The following WDR64 variants were observed in gnomAD, a reference collection of about 807,000 sequenced individuals.
WDR64 encodes the protein WD repeat-containing protein 64.
A neutral mutation model predicts 139.3 loss-of-function variants in WDR64; 112 were observed. That is an observed-to-expected ratio of 0.80 (90% CI 0.69 to 0.94). The LOEUF (loss-of-function observed/expected upper bound fraction) is 0.94. WDR64 is among the 40% of genes least tolerant of loss of function. The pLI is 0.00. For synonymous variants in WDR64, 444 were observed against 437.7 expected, an observed-to-expected ratio of 1.01 and a Z score of -0.18; for missense variants, 1,206 against 1,293.1, an observed-to-expected ratio of 0.93 and a Z score of 1.03.
chr1:241,770,883 A>G (rs1174056939), intron 18 of WDR64, among the ~76,000 whole-genome samples, 193 bp downstream of exon 18: 1 of 152,204 alleles, frequency 6.6e-6, no homozygotes. Context: ...TCAATTTTAT[A>G]TATTTTTCAA....
At chr1:241,741,013 G>T (rs1441439899) in intron 11 of WDR64, among the ~76,000 whole-genome samples, 1 of 152,176 alleles carries the variant, frequency 6.6e-6, no homozygotes, top group East Asian at 1.9e-4. Context: ...GCACTGGCTT[G>T]TGATCATTCT....
intron 16 of WDR64, among the ~76,000 whole-genome samples, 158 bp from the exon 17 acceptor site, chr1:241,769,246 A>G (rs1658324095): frequency 6.6e-6 from 1 of 152,216 alleles, no homozygotes; most frequent in African/African-American, 2.4e-5. Flanking sequence ...CTTGCTAAAA[A>G]AGCTATGTTC....
At chr1:241,771,937 CAT>C (rs369287433) in intron 19 of WDR64, among the ~76,000 whole-genome samples, 5 of 56,528 alleles carry the variant, frequency 8.8e-5, no homozygotes, top group Admixed American at 4.6e-4. Context: ...CATATACATA[CAT>C]ACATACATAT....
chr1:241,654,854 G>A (rs529336176), intron 1 of WDR64, among the ~76,000 whole-genome samples: 2 of 152,192 alleles, frequency 1.3e-5, no homozygotes, highest in African/African-American at 4.8e-5. Context: ...TTACCTCCAG[G>A]CTATATGTAT....
At chr1:241,690,225 G>C (rs564218150) in intron 8 of WDR64, among the ~76,000 whole-genome samples, 3 of 151,974 alleles carry the variant, frequency 2.0e-5, no homozygotes, top group South Asian at 2.1e-4. Context: ...GTAATCCCAG[G>C]ACTTTGGGAG....
At chr1:241,693,433 T>G (rs1667376099) in intron 8 of WDR64, among the ~76,000 whole-genome samples, 1 of 152,200 alleles carries the variant, frequency 6.6e-6, no homozygotes, top group East Asian at 1.9e-4. Flanking sequence ...TAGAGAATTT[T>G]AGGGCACTGA....
At chr1:241,769,360 T>C in intron 16 of WDR64, 44 bp from the exon 17 acceptor site, 1 of 1,471,058 alleles carries the variant, frequency 6.8e-7, no homozygotes, top group Non-Finnish European at 9.3e-7. Context: ...GTAAGCTCCA[T>C]AATTTGTGAA....
At chr1:241,705,474 G>A (rs974072850) in intron 8 of WDR64, among the ~76,000 whole-genome samples, 7 of 151,266 alleles carry the variant, frequency 4.6e-5, no homozygotes, top group African/African-American at 1.5e-4. Context: ...CCCGGGAGGC[G>A]GAGCTTGCAG....
intron 3 of WDR64, among the ~76,000 whole-genome samples, chr1:241,672,502 T>C (rs182752541): frequency 5.2e-4 from 79 of 152,338 alleles, no homozygotes; most frequent in African/African-American, 1.8e-3. Flanking sequence ...TAAAGTCTAC[T>C]ATGTAGGCCA....
intron 8 of WDR64, among the ~76,000 whole-genome samples, chr1:241,689,567 ACAACAGAGCAT>A (rs1157777730): frequency 1.3e-5 from 2 of 152,206 alleles, no homozygotes; most frequent in Non-Finnish European, 2.9e-5. Context: ...GATGCACCTA[ACAACAGAGCAT>A]CAAAATTAAT....
intron 1 of WDR64, among the ~76,000 whole-genome samples, chr1:241,655,198 C>T (rs1335378016): frequency 1.3e-5 from 2 of 152,148 alleles, no homozygotes. Context: ...GCCTTGCCAA[C>T]ATGATGAAAC....
chr1:241,723,056 A>G (rs1023531680), intron 9 of WDR64, among the ~76,000 whole-genome samples: 1 of 152,228 alleles, frequency 6.6e-6, no homozygotes, highest in East Asian at 1.9e-4. Flanking sequence ...CTCATAAAAT[A>G]TTTATGAGAA....
chr1:241,723,472 T>C (rs764829046), intron 10 of WDR64, 36 bp downstream of exon 10: 3 of 1,604,294 alleles, frequency 1.9e-6, no homozygotes, highest in African/African-American at 2.7e-5. Flanking sequence ...AAACTAGTTT[T>C]TTCCGGAAAA....
intron 15 of WDR64, among the ~76,000 whole-genome samples, chr1:241,761,369 A>G (rs191557627): frequency 1.3e-5 from 2 of 152,208 alleles, no homozygotes; most frequent in East Asian, 3.9e-4. Flanking sequence ...TATAGCCCCA[A>G]ACTTACCCTT....
In WDR64 at chr1:241,752,082, G is replaced by C. The variant is rs1047371030; in HGVS notation, c.1770+2360G>C. On this transcript the variant is annotated intron_variant, in intron 14 of 27. Transcript: ENST00000437684. Reference sequence around the variant, plus strand: ...CTTACTTCCCTTCCTTTTAACCACAGTGCTTTATGAATCTACTCATATAGC... The same window carrying C: ...CTTACTTCCCTTCCTTTTAACCACACTGCTTTATGAATCTACTCATATAGC... Among the ~76,000 whole-genome samples the C allele has an allele frequency of 2.6e-5, 4 of 152,042 alleles. No homozygotes were observed. In the East Asian group the frequency reaches 7.7e-4, roughly 29 times the overall value.
At chr1:241,668,051 C>T (rs1042412147) in intron 2 of WDR64, among the ~76,000 whole-genome samples, 1 of 152,080 alleles carries the variant, frequency 6.6e-6, no homozygotes, top group African/African-American at 2.4e-5. Context: ...CTAGAGAAGA[C>T]AAAAGCAAAA....
intron 9 of WDR64, among the ~76,000 whole-genome samples, chr1:241,716,096 C>T (rs1372199791): frequency 6.6e-6 from 1 of 152,108 alleles, no homozygotes; most frequent in Non-Finnish European, 1.5e-5. Flanking sequence ...TTCCCAGTAA[C>T]TGAAAACACA....
chr1:241,788,653 C>A (rs1214692546), intron 24 of WDR64, among the ~76,000 whole-genome samples: 1 of 152,170 alleles, frequency 6.6e-6, no homozygotes, highest in African/African-American at 2.4e-5. Context: ...AATGTCATTA[C>A]CTAATTCAAA....
intron 1 of WDR64, among the ~76,000 whole-genome samples, chr1:241,658,174 C>G (rs1213666090): frequency 1.3e-5 from 2 of 152,136 alleles, no homozygotes; most frequent in Non-Finnish European, 2.9e-5. Flanking sequence ...ACCATCTGAT[C>G]TTGTCTATAC....
Sources: allele counts gnomAD v4.1 joint callset (sites outside exome capture counted in the v4.1 genomes callset), GRCh38; gene constraint gnomAD v4.1.1; transcripts MANE v1.5; gene names NCBI Gene and HGNC (gene_info 2026-07-23, HGNC 2026-07-21).